Variants in ANXA8 observed in about 807,000 individuals in gnomAD.
ANXA8 encodes the protein annexin A8, also known as VAC-beta.
A neutral mutation model predicts 26.8 loss-of-function variants in ANXA8; 9 were observed. The observed-to-expected ratio is 0.34, with a 90% CI of 0.20 to 0.59. The LOEUF is 0.59. ANXA8 is among the 20% of genes least tolerant of loss of function. ANXA8 has a pLI of 0.84. For synonymous variants in ANXA8, 39 were observed against 94.8 expected, an observed-to-expected ratio of 0.41 and a Z score of 3.42; for missense variants, 83 against 238.5, an observed-to-expected ratio of 0.35 and a Z score of 4.29.
chr10:47,655,912 C>T, the ANXA8 span, among the ~76,000 whole-genome samples: 99 of 151,990 alleles, frequency 6.5e-4, no homozygotes, highest in South Asian at 8.3e-3. Context: ...CCCAGCTACT[C>T]GGGAGGCTGA....
chr10:47,492,302 G>A, the ANXA8 span, among the ~76,000 whole-genome samples: 7 of 147,842 alleles, frequency 4.7e-5, no homozygotes, highest in South Asian at 4.3e-4. Flanking sequence ...GGGCAGAAGC[G>A]TAGTCACCTG....
the ANXA8 span, among the ~76,000 whole-genome samples, chr10:47,673,219 A>T: frequency 6.6e-6 from 1 of 151,704 alleles, no homozygotes; most frequent in Admixed American, 6.6e-5. Flanking sequence ...GTAAGCCAAA[A>T]GCCTGGGCCA....
the ANXA8 span, among the ~76,000 whole-genome samples, chr10:47,594,822 C>A: frequency 2.7e-5 from 4 of 147,656 alleles, no homozygotes; most frequent in Non-Finnish European, 5.9e-5. Flanking sequence ...GAAAGAGTAA[C>A]CAACTTGGAA....
the ANXA8 span, among the ~76,000 whole-genome samples, chr10:47,497,235 G>A: frequency 1.5e-5 from 2 of 137,842 alleles, no homozygotes; most frequent in African/African-American, 5.5e-5. Flanking sequence ...AAAGAGAATT[G>A]CTTGAACCCG....
At chr10:47,644,080 A>G in the ANXA8 span, among the ~76,000 whole-genome samples, 1 of 126,142 alleles carries the variant, frequency 7.9e-6, no homozygotes, top group Admixed American at 8.2e-5. Flanking sequence ...TAGGAAAAGC[A>G]TGGTCCTAGT....
chr10:47,953,758 G>C, the ANXA8 span, among the ~76,000 whole-genome samples: 1 of 150,500 alleles, frequency 6.6e-6, no homozygotes, highest in African/African-American at 2.5e-5. Context: ...TCTCAAAAGA[G>C]GTCATACAAA....
At chr10:47,482,073 C>A (rs1455778950) in intron 1 of ANXA8, among the ~76,000 whole-genome samples, 1 of 139,992 alleles carries the variant, frequency 7.1e-6, no homozygotes, top group Non-Finnish European at 1.5e-5. Flanking sequence ...TGCAGATGGA[C>A]CCTGCCTGCA....
chr10:47,707,124 A>G, the ANXA8 span, among the ~76,000 whole-genome samples: 1 of 142,882 alleles, frequency 7.0e-6, no homozygotes, highest in East Asian at 2.7e-4. Context: ...TGTTTATTTC[A>G]TTGTGTTAAA....
At chr10:47,513,157 C>A in the ANXA8 span, among the ~76,000 whole-genome samples, 1 of 149,482 alleles carries the variant, frequency 6.7e-6, no homozygotes, top group Non-Finnish European at 1.5e-5. Flanking sequence ...GCCTCAGCCA[C>A]CCGAGTAGAT....
At chr10:47,500,141 A>G in the ANXA8 span, among the ~76,000 whole-genome samples, 1 of 139,784 alleles carries the variant, frequency 7.2e-6, no homozygotes, top group Non-Finnish European at 1.5e-5. Context: ...GCTGAGCTCA[A>G]GTAATTCCCC....
the ANXA8 span, among the ~76,000 whole-genome samples, chr10:47,559,561 A>G: frequency 6.6e-6 from 1 of 151,790 alleles, no homozygotes; most frequent in Non-Finnish European, 1.5e-5. Context: ...TTGTGGGTAC[A>G]TTGTGTCTTA....
the ANXA8 span, among the ~76,000 whole-genome samples, chr10:47,984,481 CA>C: frequency 8.1e-6 from 1 of 124,104 alleles, no homozygotes; most frequent in Non-Finnish European, 1.7e-5. Context: ...GACATTAGCA[CA>C]ATGTGTGTTC....
chr10:47,749,315 G>T, the ANXA8 span, among the ~76,000 whole-genome samples: 1 of 147,204 alleles, frequency 6.8e-6, no homozygotes, highest in Non-Finnish European at 1.5e-5. Context: ...AATACTAAAG[G>T]GAATTCTTCA....
the ANXA8 span, among the ~76,000 whole-genome samples, chr10:47,617,456 T>C: frequency 6.9e-6 from 1 of 145,008 alleles, no homozygotes; most frequent in Admixed American, 6.9e-5. Flanking sequence ...CTGAAAGATA[T>C]TCCCAAATGT....
At chr10:47,577,405 T>A in the ANXA8 span, among the ~76,000 whole-genome samples, 7 of 150,434 alleles carry the variant, frequency 4.7e-5, no homozygotes, top group African/African-American at 1.5e-4. Context: ...AAGGTGGCTC[T>A]GGCCTGTGGT....
chr10:47,778,686 G>T, the ANXA8 span, among the ~76,000 whole-genome samples: 1 of 151,690 alleles, frequency 6.6e-6, no homozygotes, highest in African/African-American at 2.4e-5. Flanking sequence ...AACCATAAAG[G>T]CGCCTTTGAA....
At chr10:47,496,768 T>C in the ANXA8 span, among the ~76,000 whole-genome samples, 44 of 149,602 alleles carry the variant, frequency 2.9e-4, 2 homozygotes, top group African/African-American at 1.0e-3. Flanking sequence ...GATTGTCTGA[T>C]GTATTTCCAT....
At chr10:47,491,796 G>C in the ANXA8 span, 1 of 1,232,446 alleles carries the variant, frequency 8.1e-7, no homozygotes, top group East Asian at 2.6e-5. Context: ...CCAGTAGGAG[G>C]CTGGACAGGT....
At chr10:47,631,086 T>C in the ANXA8 span, among the ~76,000 whole-genome samples, 12 of 150,152 alleles carry the variant, frequency 8.0e-5, no homozygotes, top group African/African-American at 2.8e-4. Context: ...ATCATATATA[T>C]CACCTATGGA....
Sources: allele counts gnomAD v4.1 joint callset (sites outside exome capture counted in the v4.1 genomes callset), GRCh38; gene constraint gnomAD v4.1.1; transcripts MANE v1.5; gene names NCBI Gene and HGNC (gene_info 2026-07-23, HGNC 2026-07-21).